Variants in ZNF385D observed in about 807,000 individuals in gnomAD.
The protein encoded by ZNF385D is zinc finger protein 385D.
ZNF385D carries 15 observed loss-of-function variants against 35.8 expected under a neutral mutation model. The ratio of observed to expected loss-of-function variants is 0.42; its 90% CI spans 0.28 to 0.64. The LOEUF (loss-of-function observed/expected upper bound fraction) is 0.64, where lower values mean the gene tolerates loss of function less well. ZNF385D is among the 30% of genes least tolerant of loss of function. The pLI, the probability that ZNF385D is intolerant of heterozygous loss-of-function variation, is 0.23. For missense variants in ZNF385D, 474 were observed against 494.6 expected, an observed-to-expected ratio of 0.96 and a Z score of 0.39; for synonymous variants, 212 against 186.8, an observed-to-expected ratio of 1.13 and a Z score of -1.10.
intron 3 of ZNF385D, among the ~76,000 whole-genome samples, chr3:21,790,380 G>T (rs756630228): frequency 3.3e-4 from 50 of 152,140 alleles, no homozygotes; most frequent in Non-Finnish European, 5.9e-4. Context: ...AAAGGAGTAT[G>T]ATTTTACTTA....
intron 3 of ZNF385D, among the ~76,000 whole-genome samples, chr3:21,919,885 A>C (rs1294755664): frequency 6.6e-6 from 1 of 152,202 alleles, no homozygotes; most frequent in African/African-American, 2.4e-5. Context: ...AACTTTTCCA[A>C]AGTGTCTCTG....
At chr3:21,583,963 T>TTTATTTAC (rs1553617447) in intron 2 of ZNF385D, among the ~76,000 whole-genome samples, 3 of 133,146 alleles carry the variant, frequency 2.3e-5, no homozygotes, top group African/African-American at 1.0e-4. Flanking sequence ...TATTTACTTA[T>TTTATTTAC]TTATTTATTT....
intron 2 of ZNF385D, among the ~76,000 whole-genome samples, chr3:22,367,644 G>A (rs1409966499): frequency 2.0e-5 from 3 of 150,804 alleles, no homozygotes; most frequent in Non-Finnish European, 4.4e-5. Context: ...TTATTCTTTT[G>A]TTTAAGGAGC....
At chr3:21,774,690 G>T (rs1575627194) in intron 3 of ZNF385D, among the ~76,000 whole-genome samples, 1 of 151,910 alleles carries the variant, frequency 6.6e-6, no homozygotes, top group African/African-American at 2.4e-5. Flanking sequence ...AATGATGATG[G>T]GCTGTGATGG....
intron 2 of ZNF385D, among the ~76,000 whole-genome samples, chr3:21,601,579 A>G (rs989104751): frequency 6.6e-6 from 1 of 152,244 alleles, no homozygotes; most frequent in Non-Finnish European, 1.5e-5. Flanking sequence ...CACTTTTATA[A>G]GGTTGCTAGA....
chr3:21,789,982 C>G (rs2860636), intron 3 of ZNF385D, among the ~76,000 whole-genome samples: 144,206 of 152,298 alleles, frequency 0.95, 68,284 homozygotes, highest in East Asian at 0.98. Flanking sequence ...GAAACACTTT[C>G]AAGCTGTTAC....
chr3:21,579,753 T>C (rs1469904895), intron 2 of ZNF385D: 1 of 152,196 alleles, frequency 6.6e-6, no homozygotes, highest in East Asian at 1.9e-4. Flanking sequence ...CTGAAACCTG[T>C]AGGGGAACAT....
chr3:22,161,600 T>C (rs916398313), intron 3 of ZNF385D, among the ~76,000 whole-genome samples: 3 of 152,148 alleles, frequency 2.0e-5, no homozygotes, highest in African/African-American at 7.2e-5. Flanking sequence ...AATTCCTTTC[T>C]GCCACTTCTT....
At chr3:21,746,916 G>A (rs1043619902) in intron 1 of ZNF385D, among the ~76,000 whole-genome samples, 1 of 152,114 alleles carries the variant, frequency 6.6e-6, no homozygotes, top group Non-Finnish European at 1.5e-5. Flanking sequence ...AAAAGTGTAA[G>A]TGCTGACATG....
At chr3:21,932,508 A>C (rs1465223840) in intron 3 of ZNF385D, among the ~76,000 whole-genome samples, 1 of 152,056 alleles carries the variant, frequency 6.6e-6, no homozygotes, top group African/African-American at 2.4e-5. Context: ...TAAATATTGA[A>C]TAGCAGTGAG....
intron 3 of ZNF385D, among the ~76,000 whole-genome samples, chr3:21,890,719 G>C (rs1343204741): frequency 6.6e-6 from 1 of 152,188 alleles, no homozygotes; most frequent in Admixed American, 6.5e-5. Context: ...AGGAAGTAGA[G>C]AAATGGCAAA....
intron 3 of ZNF385D, among the ~76,000 whole-genome samples, chr3:21,760,734 T>A (rs190675934): frequency 6.6e-6 from 1 of 152,298 alleles, no homozygotes; most frequent in East Asian, 1.9e-4. Flanking sequence ...AAATCTGGGC[T>A]TTTTCACTGA....
chr3:21,992,024 C>T (rs993142887), intron 3 of ZNF385D, among the ~76,000 whole-genome samples: 3 of 152,162 alleles, frequency 2.0e-5, no homozygotes, highest in Non-Finnish European at 4.4e-5. Flanking sequence ...TTAGCATGCT[C>T]ATCTCTGGAA....
chr3:21,495,672 T>A, intron 4 of ZNF385D, among the ~76,000 whole-genome samples: 1 of 151,790 alleles, frequency 6.6e-6, no homozygotes, highest in East Asian at 1.9e-4. Flanking sequence ...GCCCCAAAAC[T>A]GGCAGAAGAC....
intron 3 of ZNF385D, among the ~76,000 whole-genome samples, chr3:22,012,171 A>G (rs1473717456): frequency 6.6e-6 from 1 of 152,178 alleles, no homozygotes; most frequent in African/African-American, 2.4e-5. Context: ...AAAGAAGTCC[A>G]TTACTTCAAC....
At chr3:21,567,615 T>C (rs1033930841) in intron 2 of ZNF385D, among the ~76,000 whole-genome samples, 1 of 152,136 alleles carries the variant, frequency 6.6e-6, no homozygotes, top group Non-Finnish European at 1.5e-5. Context: ...TACAGGTAGA[T>C]GCCTTATCAT....
chr3:21,975,429 A>G (rs1400298174), intron 3 of ZNF385D, among the ~76,000 whole-genome samples: 4 of 152,040 alleles, frequency 2.6e-5, no homozygotes, highest in Non-Finnish European at 5.9e-5. Context: ...GGATGGGAAT[A>G]ATTAATGGGT....
intron 2 of ZNF385D, among the ~76,000 whole-genome samples, chr3:21,660,620 G>T (rs2066209367): frequency 6.6e-6 from 1 of 152,176 alleles, no homozygotes; most frequent in African/African-American, 2.4e-5. Context: ...AAAGGGAAAT[G>T]GTGAGACGCT....
chr3:22,117,967 CAA>C (rs1207355405), intron 3 of ZNF385D, among the ~76,000 whole-genome samples: 2 of 151,906 alleles, frequency 1.3e-5, no homozygotes, highest in Non-Finnish European at 2.9e-5. Flanking sequence ...ACAGAAGTAA[CAA>C]GAAGAATAAA....
Sources: gnomAD v4.1 joint callset for allele counts (sites outside exome capture counted in the v4.1 genomes callset) on GRCh38, gnomAD v4.1.1 for gene constraint, MANE v1.5 for transcripts, NCBI Gene and HGNC (gene_info 2026-07-23, HGNC 2026-07-21) for gene names.